Variants in CNTNAP2 observed in about 807,000 individuals in gnomAD.
CNTNAP2 encodes contactin-associated protein-like 2.
A neutral mutation model predicts 155.2 loss-of-function variants in CNTNAP2; 98 were observed. That is an observed-to-expected ratio of 0.63 (90% CI 0.54 to 0.75). The LOEUF is 0.75. CNTNAP2 is among the 30% of genes least tolerant of loss of function. CNTNAP2 has a pLI of 0.00. For synonymous variants in CNTNAP2, 651 were observed against 631.2 expected, an observed-to-expected ratio of 1.03 and a Z score of -0.47; for missense variants, 1,727 against 1,688.1, an observed-to-expected ratio of 1.02 and a Z score of -0.40.
At chr7:146,793,401 T>A (rs1354992385) in intron 2 of CNTNAP2, among the ~76,000 whole-genome samples, 1 of 152,216 alleles carries the variant, frequency 6.6e-6, no homozygotes, top group African/African-American at 2.4e-5. Context: ...TAGCCACAGG[T>A]ATTGACACCT....
At chr7:147,266,966 C>T (rs1474439251) in intron 8 of CNTNAP2, among the ~76,000 whole-genome samples, 1 of 152,022 alleles carries the variant, frequency 6.6e-6, no homozygotes, top group Non-Finnish European at 1.5e-5. Context: ...GAGATAATGT[C>T]AAAATTAAAG....
intron 1 of CNTNAP2, among the ~76,000 whole-genome samples, chr7:146,573,930 T>TA (rs1358801190): frequency 5.9e-5 from 9 of 152,166 alleles, no homozygotes; most frequent in Non-Finnish European, 1.0e-4. Flanking sequence ...ATCTGGCACA[T>TA]AAAAAATGTG....
At chr7:146,189,965 A>G (rs1039426261) in intron 1 of CNTNAP2, among the ~76,000 whole-genome samples, 1 of 152,160 alleles carries the variant, frequency 6.6e-6, no homozygotes, top group African/African-American at 2.4e-5. Flanking sequence ...CCCATAAATT[A>G]CTTTAATGGA....
At chr7:148,063,814 T>C (rs1238904623) in intron 15 of CNTNAP2, among the ~76,000 whole-genome samples, 3 of 152,130 alleles carry the variant, frequency 2.0e-5, no homozygotes, top group African/African-American at 7.2e-5. Flanking sequence ...TAAGCCAATG[T>C]CTAGAAGGGT....
At chr7:148,347,686 C>T (rs1798350710) in intron 21 of CNTNAP2, among the ~76,000 whole-genome samples, 1 of 152,152 alleles carries the variant, frequency 6.6e-6, no homozygotes. Context: ...GAAATAAGAG[C>T]CATTCTATGT....
At chr7:146,630,036 C>A (rs887986437) in intron 1 of CNTNAP2, among the ~76,000 whole-genome samples, 1 of 151,536 alleles carries the variant, frequency 6.6e-6, no homozygotes, top group East Asian at 1.9e-4. Context: ...GAATGTGCAG[C>A]TTTGTTACCT....
chr7:148,315,052 G>A (rs938451833), intron 21 of CNTNAP2, among the ~76,000 whole-genome samples: 23 of 152,188 alleles, frequency 1.5e-4, no homozygotes, highest in Admixed American at 5.9e-4. Flanking sequence ...AAAAGAGGCC[G>A]CTTACTGGAT....
At position 146,993,763 on chromosome 7, in the gene CNTNAP2, T is replaced by C. The variant is rs114696827; in HGVS notation, c.403-50144T>C. 9.1e-3 allele frequency among the ~76,000 whole-genome samples: 1,379 copies of C among 152,272 alleles called. 27 individuals are homozygous for C. Among genetic ancestry groups the C allele is most frequent in the African/African-American group, 0.032 (1,322 of 41,554 alleles). ...TATGTACAGCTTTTTTAATACCTTATTAAAGTGGTGTAAAAATAGTCGTGC... is the reference window on the plus strand; with the variant it reads ...TATGTACAGCTTTTTTAATACCTTACTAAAGTGGTGTAAAAATAGTCGTGC... On this transcript the variant is annotated intron_variant, in intron 3 of 23. Transcript: ENST00000361727.
At chr7:146,284,315 A>G (rs531586569) in intron 1 of CNTNAP2, among the ~76,000 whole-genome samples, 3 of 152,228 alleles carry the variant, frequency 2.0e-5, no homozygotes, top group Admixed American at 2.0e-4. Flanking sequence ...TGGTGGCTAA[A>G]ATAACACCAA....
intron 13 of CNTNAP2, among the ~76,000 whole-genome samples, chr7:147,641,318 C>T (rs1332152634): frequency 6.6e-6 from 1 of 152,096 alleles, no homozygotes; most frequent in African/African-American, 2.4e-5. Context: ...AGACAGAGTA[C>T]CCTCTAAGAA....
intron 2 of CNTNAP2, among the ~76,000 whole-genome samples, chr7:146,790,568 A>AT (rs11435256): frequency 0.21 from 28,973 of 137,746 alleles, 4,477 homozygotes; most frequent in African/African-American, 0.45. Flanking sequence ...TTGGTCAGTG[A>AT]TTTTTTTTTT....
At chr7:146,647,374 TGAAA>T (rs71872768) in intron 1 of CNTNAP2, among the ~76,000 whole-genome samples, 100,224 of 151,446 alleles carry the variant, frequency 0.66, 34,487 homozygotes, top group South Asian at 0.84. Context: ...TGATGTACAC[TGAAA>T]GAAAGAAAAG....
chr7:146,136,503 C>T (rs1176218743), intron 1 of CNTNAP2, among the ~76,000 whole-genome samples: 1 of 152,084 alleles, frequency 6.6e-6, no homozygotes, highest in Non-Finnish European at 1.5e-5. Flanking sequence ...GAGTAGAGCA[C>T]ACCTGCTCTA....
chr7:147,355,158 G>A (rs927325318), intron 9 of CNTNAP2, among the ~76,000 whole-genome samples: 3 of 151,972 alleles, frequency 2.0e-5, no homozygotes, highest in Non-Finnish European at 2.9e-5. Context: ...AGTGGAACCC[G>A]TATACTTGAG....
intron 10 of CNTNAP2, among the ~76,000 whole-genome samples, chr7:147,475,316 C>T (rs1798298848): frequency 6.6e-6 from 1 of 152,094 alleles, no homozygotes. Context: ...AATTGTTCTC[C>T]AGTGTGCACT....
intron 8 of CNTNAP2, among the ~76,000 whole-genome samples, chr7:147,190,184 CTCT>C (rs1802654558): frequency 6.6e-6 from 1 of 152,180 alleles, no homozygotes; most frequent in South Asian, 2.1e-4. Context: ...AAAGAACATT[CTCT>C]TCATGACCAT....
intron 2 of CNTNAP2, chr7:146,782,185 A>G (rs1262615331): frequency 2.0e-5 from 3 of 151,954 alleles, no homozygotes; most frequent in African/African-American, 7.3e-5. Flanking sequence ...ACTTTTTAAA[A>G]TTTTCTCCTT....
At chr7:148,029,506 G>A (rs1802431639) in intron 15 of CNTNAP2, among the ~76,000 whole-genome samples, 2 of 152,120 alleles carry the variant, frequency 1.3e-5, no homozygotes, top group Admixed American at 6.5e-5. Context: ...TGAACAGCTA[G>A]ACACAAGTTA....
intron 11 of CNTNAP2, among the ~76,000 whole-genome samples, chr7:147,549,936 G>C (rs1378697485): frequency 6.6e-6 from 1 of 152,056 alleles, no homozygotes; most frequent in Non-Finnish European, 1.5e-5. Context: ...ATTTTTATTA[G>C]AATGTCAATG....
Sources: allele counts gnomAD v4.1 joint callset (sites outside exome capture counted in the v4.1 genomes callset), GRCh38; gene constraint gnomAD v4.1.1; transcripts MANE v1.5; gene names NCBI Gene and HGNC (gene_info 2026-07-23, HGNC 2026-07-21).